GRIP1: variants seen among roughly 807,000 people sequenced by gnomAD.
GRIP1 encodes the protein glutamate receptor interacting protein 1.
A neutral mutation model predicts 129.9 loss-of-function variants in GRIP1; 45 were observed. The observed-to-expected ratio is 0.35, with a 90% CI of 0.27 to 0.44. The LOEUF is 0.44. Ranked by LOEUF, GRIP1 falls within the 20% of genes least tolerant of loss-of-function variation. The pLI is 1.00. For missense variants in GRIP1, 1,196 were observed against 1,396.8 expected, an observed-to-expected ratio of 0.86 and a Z score of 2.29; for synonymous variants, 530 against 520.8, an observed-to-expected ratio of 1.02 and a Z score of -0.24.
At chr12:66,564,079 C>CTT (rs76169937) in intron 2 of GRIP1, 66,014 of 161,434 alleles carry the variant, frequency 0.41, 13,664 homozygotes, top group African/African-American at 0.46. Flanking sequence ...GGTTTCTTCT[C>CTT]TGTCTTTTTC....
At chr12:66,976,533 AG>A (rs1271148299) in intron 1 of GRIP1, among the ~76,000 whole-genome samples, 5 of 152,196 alleles carry the variant, frequency 3.3e-5, no homozygotes, top group Admixed American at 2.6e-4. Context: ...CTCCAACTAA[AG>A]GGTAGGTTCA....
At position 66,756,344 on chromosome 12, in the gene GRIP1, C is replaced by T. The variant is rs138969427; in HGVS notation, c.-420+47709G>A. The stretch of plus-strand genomic sequence containing the variant: ...TCTCACTGGCCTGAATTTGTATATC[C>T]CCAATGAAGCATTGGTATTTCGATC... On this transcript the variant is annotated intron_variant, in intron 1 of 4. Transcript: ENST00000538373. Among the ~76,000 whole-genome samples, 641 of 152,152 alleles carry T rather than the reference C, an allele frequency of 4.2e-3. 2 individuals are homozygous for T. Among genetic ancestry groups the T allele is most frequent in the African/African-American group, 0.015 (617 of 41,490 alleles).
At chr12:66,930,183 G>A (rs1281056701) in intron 1 of GRIP1, among the ~76,000 whole-genome samples, 2 of 147,608 alleles carry the variant, frequency 1.4e-5, no homozygotes, top group East Asian at 2.0e-4. Context: ...GTATACATGT[G>A]CCATGCTGGT....
intron 1 of GRIP1, among the ~76,000 whole-genome samples, chr12:66,674,829 C>T (rs77440923): frequency 0.032 from 4,827 of 152,118 alleles, 250 homozygotes; most frequent in African/African-American, 0.11. Context: ...CCCATACATG[C>T]CCAGACAGCA....
At chr12:66,660,961 T>C (rs1023754200) in intron 1 of GRIP1, among the ~76,000 whole-genome samples, 1 of 151,998 alleles carries the variant, frequency 6.6e-6, no homozygotes, top group Non-Finnish European at 1.5e-5. Context: ...AAATATATCA[T>C]CTTATCTTTC....
At chr12:66,932,586 A>AG (rs1419040212) in intron 1 of GRIP1, among the ~76,000 whole-genome samples, 6 of 151,788 alleles carry the variant, frequency 4.0e-5, no homozygotes, top group African/African-American at 1.5e-4. Context: ...AGTGAGCAGA[A>AG]GGATAGGATT....
rs139955639 is a variant in GRIP1 at position 66,920,244 on chromosome 12, T to C, written c.58+148806A>G. On this transcript the variant is annotated intron_variant, in intron 1 of 1. Transcript: ENST00000643019. ...CCAGCATTGTTGAGCAAGGTTCTCT[T>C]CCACCTAATTAACAGAGTATGCCAG... Among the ~76,000 whole-genome samples the C allele has an allele frequency of 2.8e-3, 429 of 152,280 alleles. 1 individual carries two copies. The highest frequency in any genetic ancestry group is 9.9e-3 in the African/African-American group (413 of 41,548).
intron 2 of GRIP1, among the ~76,000 whole-genome samples, chr12:66,576,507 G>C (rs982962567): frequency 1.3e-4 from 20 of 152,340 alleles, no homozygotes; most frequent in South Asian, 6.2e-4. Context: ...ACTCACTCGA[G>C]AGCTGTGTAC....
intron 7 of GRIP1, among the ~76,000 whole-genome samples, chr12:66,485,790 A>G (rs1384306929): frequency 2.6e-5 from 4 of 151,232 alleles, no homozygotes; most frequent in African/African-American, 9.8e-5. Flanking sequence ...TTGATCCATT[A>G]TCATTTTTTG....
chr12:66,977,463 G>C (rs1345954097), intron 1 of GRIP1, among the ~76,000 whole-genome samples: 1 of 152,076 alleles, frequency 6.6e-6, no homozygotes, highest in East Asian at 1.9e-4. Flanking sequence ...ATTAGGTGAA[G>C]AGTATGATGA....
chr12:66,581,665 T>A (rs573061108), intron 2 of GRIP1, among the ~76,000 whole-genome samples: 1 of 152,042 alleles, frequency 6.6e-6, no homozygotes, highest in South Asian at 2.1e-4. Context: ...AAGAAATGGA[T>A]AAATTCCTTG....
intron 1 of GRIP1, among the ~76,000 whole-genome samples, chr12:66,920,568 C>A (rs542803948): frequency 1.3e-5 from 2 of 152,184 alleles, no homozygotes; most frequent in African/African-American, 4.8e-5. Flanking sequence ...ATAGAAGGAA[C>A]CCAAGAACTA....
Position 66,816,403 on chromosome 12 carries a change from G to C in GRIP1, c.59-219476C>G, listed in dbSNP as rs933900431. ...CTTGCATAGAGCTTGGCCTCTGATA[G>C]GCACTCAGTTCCTGTATATTGATTG... On this transcript the variant is annotated intron_variant, in intron 1 of 1. Transcript: ENST00000643019. 5.3e-5 allele frequency among the ~76,000 whole-genome samples: 8 copies of C among 152,228 alleles called. No homozygotes were observed. In the South Asian group the frequency reaches 1.0e-3, roughly 20 times the overall value.
chr12:66,990,924 C>A (rs2042384227), intron 1 of GRIP1, among the ~76,000 whole-genome samples: 1 of 151,200 alleles, frequency 6.6e-6, no homozygotes. Context: ...TCGCGGTGAG[C>A]CGAGATAGCG....
In GRIP1 at chr12:66,784,031, G is replaced by A. The variant is rs757115726; in HGVS notation, c.-420+20022C>T. 9.2e-5 allele frequency among the ~76,000 whole-genome samples: 14 copies of A among 152,088 alleles called. No homozygotes were observed. In the East Asian group the frequency reaches 1.4e-3, roughly 15 times the overall value. The stretch of plus-strand genomic sequence containing the variant: ...AATGGTATTTACTTTCCATATAATC[G>A]TCATAATTTTAAACTTATATAATTA... On this transcript the variant is annotated intron_variant, in intron 1 of 4. Coordinates refer to the GRIP1 transcript ENST00000538373.
chr12:66,816,266 C>A (rs1433276044), intron 1 of GRIP1, among the ~76,000 whole-genome samples: 1 of 152,104 alleles, frequency 6.6e-6, no homozygotes, highest in Non-Finnish European at 1.5e-5. Context: ...TACTTTATTG[C>A]AGCACTATTA....
At chr12:66,816,345 C>G (rs562538099) in intron 1 of GRIP1, among the ~76,000 whole-genome samples, 189 of 152,254 alleles carry the variant, frequency 1.2e-3, no homozygotes, top group Non-Finnish European at 2.2e-3. Context: ...CAGCAAAGAG[C>G]CAGTATTTTA....
At chr12:66,752,128 A>G (rs2037145448) in intron 1 of GRIP1, among the ~76,000 whole-genome samples, 1 of 152,164 alleles carries the variant, frequency 6.6e-6, no homozygotes, top group Admixed American at 6.6e-5. Context: ...ATATTATGAA[A>G]CGATATATTT....
intron 7 of GRIP1, among the ~76,000 whole-genome samples, chr12:66,507,643 TA>T (rs1306045132): frequency 6.6e-6 from 1 of 152,202 alleles, no homozygotes; most frequent in Non-Finnish European, 1.5e-5. Flanking sequence ...GCAGTCTTGA[TA>T]AAAAGGAATT....
Sources: gnomAD v4.1 joint callset for allele counts (sites outside exome capture counted in the v4.1 genomes callset) on GRCh38, gnomAD v4.1.1 for gene constraint, MANE v1.5 for transcripts, NCBI Gene and HGNC (gene_info 2026-07-23, HGNC 2026-07-21) for gene names.